Variants in PCDHGB5 observed in about 807,000 individuals in gnomAD.
PCDHGB5 encodes the protein protocadherin gamma-B5.
In PCDHGB5, 48 loss-of-function variants were observed where a neutral mutation model predicts 62.9. The ratio of observed to expected loss-of-function variants is 0.76; its 90% CI spans 0.61 to 0.97. The LOEUF (loss-of-function observed/expected upper bound fraction) is 0.97, where lower values mean the gene tolerates loss of function less well. PCDHGB5 is among the 50% of genes least tolerant of loss of function. The probability of loss-of-function intolerance (pLI) is 0.00; values close to 1 mark genes in which losing one functional copy is unlikely to be tolerated. For synonymous variants in PCDHGB5, 474 were observed against 511.2 expected (o/e 0.93, Z 0.98); for missense variants, 1,118 against 1,198.6 (o/e 0.93, Z 0.99).
intron 1 of PCDHGB5, chr5:141,408,119 C>T (rs1271219465): frequency 6.8e-7 from 1 of 1,474,944 alleles, no homozygotes; most frequent in African/African-American, 1.4e-5. Flanking sequence ...CTCCTCCTGT[C>T]CTGGGCCGAA....
chr5:141,428,029 C>G, intron 1 of PCDHGB5: 2 of 1,607,160 alleles, frequency 1.2e-6, no homozygotes, highest in Non-Finnish European at 1.7e-6. Flanking sequence ...GCCGCAGAGT[C>G]CGGCTACCTG....
intron 3 of PCDHGB5, among the ~76,000 whole-genome samples, chr5:141,509,801 T>C (rs556629445): frequency 2.6e-5 from 4 of 152,140 alleles, no homozygotes; most frequent in South Asian, 2.1e-4. Flanking sequence ...CTCAGCTTCA[T>C]AGAGCCGAGC....
intron 1 of PCDHGB5, among the ~76,000 whole-genome samples, chr5:141,444,110 A>C (rs1284415694): frequency 6.7e-6 from 1 of 149,880 alleles, no homozygotes; most frequent in Non-Finnish European, 1.5e-5. Flanking sequence ...AACCAAGAAA[A>C]GTGAAGTATC....
At chr5:141,423,501 C>T (rs2096747990) in intron 1 of PCDHGB5, 1 of 1,613,990 alleles carries the variant, frequency 6.2e-7, no homozygotes, top group Non-Finnish European at 8.5e-7. Context: ...CCCACGAGGT[C>T]TCTCTCATTG....
chr5:141,490,080 T>A lies in PCDHGB5; in HGVS notation c.2398-4727T>A, dbSNP rs2099695881. On this transcript the variant is annotated intron_variant, in intron 1 of 3. Coordinates refer to ENST00000617380, the MANE Select transcript of PCDHGB5 (RefSeq NM_018925.3). The surrounding 1 kb of genome is among the most constrained non-coding windows in gnomAD (Gnocchi z 5.4). ...GCACCAACGGCCAACTAGACTATTCTTTTGGAGACCACACATCTGAGGCAG... is the reference window on the plus strand; with the variant it reads ...GCACCAACGGCCAACTAGACTATTCATTTGGAGACCACACATCTGAGGCAG... The A allele has an allele frequency of 6.2e-7, 1 of 1,614,246 alleles. No homozygotes were observed. The highest frequency in any genetic ancestry group is 2.2e-5 in the East Asian group (1 of 44,884).
chr5:141,439,176 T>C (rs1044289122), intron 1 of PCDHGB5, among the ~76,000 whole-genome samples: 3 of 146,068 alleles, frequency 2.1e-5, no homozygotes, highest in African/African-American at 7.8e-5. Context: ...CTGGGCGACA[T>C]AGTGAGACTC....
Position 141,489,767 on chromosome 5 carries a change from G to T in PCDHGB5, c.2398-5040G>T, listed in dbSNP as rs2099691977. On this transcript the variant is annotated intron_variant, in intron 1 of 3. Transcript: ENST00000617380. This position sits in a 1 kb window ranked among gnomAD's most constrained non-coding sequence, Gnocchi z 4.5. ...AGCTTTTACACTCTAAGCCCCAACA[G>T]CCACTTCTCTCTGAATGTGAAGACC... The T allele has an allele frequency of 6.2e-7, 1 of 1,614,028 alleles. No homozygotes were observed. Among genetic ancestry groups the T allele is most frequent in the African/African-American group, 1.3e-5 (1 of 74,938 alleles).
rs1423427104 is a variant in PCDHGB5, at chr5:141,417,737, C to T, written c.2397+17213C>T. 5 of 1,407,068 alleles carry T rather than the reference C, an allele frequency of 3.6e-6. No homozygotes were observed. In the African/African-American group the frequency reaches 7.2e-5, roughly 20 times the overall value. 87.2% of individuals were successfully genotyped at this position (1,407,068 alleles called of 1,614,324 possible). ...CCGGCTGCGCAGACCTTGCCCAGCA[C>T]ACCAGATTGCCAGCTCCGAGACCCG... is the stretch of plus-strand genomic sequence containing the variant. On this transcript the variant is annotated intron_variant, in intron 1 of 3. Transcript: ENST00000617380.
At chr5:141,502,139 C>G (rs923501238) in intron 2 of PCDHGB5, among the ~76,000 whole-genome samples, 1 of 152,104 alleles carries the variant, frequency 6.6e-6, no homozygotes, top group Non-Finnish European at 1.5e-5. Flanking sequence ...TCAGTCGGGC[C>G]GGAAGTAAGG....
intron 1 of PCDHGB5, among the ~76,000 whole-genome samples, chr5:141,456,729 C>T (rs1337183677): frequency 6.6e-6 from 1 of 152,158 alleles, no homozygotes; most frequent in Non-Finnish European, 1.5e-5. Context: ...CTTTGGGAGG[C>T]TGAGGCGGGA....
At chr5:141,415,479 A>G (rs750765604) in intron 1 of PCDHGB5, 19 of 1,613,988 alleles carry the variant, frequency 1.2e-5, no homozygotes, top group South Asian at 2.2e-5. Flanking sequence ...CGGACTCGCG[A>G]AAGAGTCACC....
intron 1 of PCDHGB5, among the ~76,000 whole-genome samples, chr5:141,462,269 T>C (rs2099036247): frequency 6.6e-6 from 1 of 152,230 alleles, no homozygotes; most frequent in Admixed American, 6.5e-5. Context: ...CTAAAGTGTA[T>C]TGTTTAGTCA....
intron 1 of PCDHGB5, among the ~76,000 whole-genome samples, chr5:141,438,745 T>C (rs1004731034): frequency 4.7e-5 from 7 of 147,392 alleles, no homozygotes; most frequent in Non-Finnish European, 1.0e-4. Flanking sequence ...CACTGCAACC[T>C]CTGCCTCCTG....
Position 141,491,075 on chromosome 5 carries a change from A to G in PCDHGB5, c.2398-3732A>G, listed in dbSNP as rs147291399. ...TGGCTCTCCTACTCACTGTTGCCAC[A>G]GTCCACAGCCCCAGGACTGTTCCTC... is the stretch of plus-strand genomic sequence containing the variant. On this transcript the variant is annotated intron_variant, in intron 1 of 3. Coordinates refer to ENST00000617380, the MANE Select transcript of PCDHGB5 (RefSeq NM_018925.3). This position sits in a 1 kb window ranked among gnomAD's most constrained non-coding sequence, Gnocchi z 6.9. 1.2e-6 allele frequency: 2 copies of G among 1,614,080 alleles called. No individual in the cohort carries two copies. Among genetic ancestry groups the G allele is most frequent in the Non-Finnish European group, 8.5e-7 (1 of 1,180,042 alleles).
chr5:141,469,206 AG>A (rs1457933263), intron 1 of PCDHGB5, among the ~76,000 whole-genome samples: 1 of 150,920 alleles, frequency 6.6e-6, no homozygotes, highest in African/African-American at 2.4e-5. Context: ...AGCCTTTTGA[AG>A]TTGAGGCTTC....
At chr5:141,413,748 T>G (rs1264580781) in intron 1 of PCDHGB5, 1 of 1,613,288 alleles carries the variant, frequency 6.2e-7, no homozygotes, top group Admixed American at 1.7e-5. Flanking sequence ...GCCGTGCCAA[T>G]GGCGTCAAGT....
At chr5:141,479,241 G>A (rs2099490987) in intron 1 of PCDHGB5, 1 of 152,174 alleles carries the variant, frequency 6.6e-6, no homozygotes, top group Non-Finnish European at 1.5e-5. Context: ...CAAACCCAAA[G>A]ATAACCATTT....
intron 1 of PCDHGB5, chr5:141,414,594 C>T: frequency 1.2e-6 from 2 of 1,613,952 alleles, no homozygotes; most frequent in Non-Finnish European, 1.7e-6. Flanking sequence ...CCAGGGGTGC[C>T]TCCATCTTCT....
intron 1 of PCDHGB5, chr5:141,423,314 T>C: frequency 6.2e-7 from 1 of 1,614,178 alleles, no homozygotes; most frequent in Non-Finnish European, 8.5e-7. Context: ...TACTTGGTGG[T>C]GGCGGTGGCC....
Sources: gnomAD v4.1 joint callset for allele counts (sites outside exome capture counted in the v4.1 genomes callset) on GRCh38, gnomAD v4.1.1 for gene constraint, Gnocchi (gnomAD v3.1) non-coding constraint, MANE v1.5 for transcripts, NCBI Gene and HGNC (gene_info 2026-07-23, HGNC 2026-07-21) for gene names.